The following C18orf63 variants were observed in gnomAD, a reference collection of about 807,000 sequenced individuals.
The protein encoded by C18orf63 is uncharacterized protein C18orf63.
Under a neutral mutation model 75.3 loss-of-function variants are expected in C18orf63, and 50 were observed. The observed-to-expected ratio is 0.66, with a 90% CI of 0.53 to 0.84. The LOEUF is 0.84. Ranked by LOEUF, C18orf63 falls within the 40% of genes least tolerant of loss-of-function variation. The pLI is 0.00. For missense variants in C18orf63, 732 were observed against 800.2 expected, an observed-to-expected ratio of 0.91 and a Z score of 1.03; for synonymous variants, 232 against 267.6, an observed-to-expected ratio of 0.87 and a Z score of 1.30.
At chr18:74,341,936 G>A (rs1000086806) in intron 8 of C18orf63, 96 bp from the exon 9 acceptor site, 1 of 638,624 alleles carries the variant, frequency 1.6e-6, no homozygotes, top group African/African-American at 1.8e-5. Context: ...TGAGATAGTT[G>A]TTGAATCTTT....
In C18orf63 at chr18:74,354,518, T is replaced by C. The variant is rs1984730405; in HGVS notation, c.*5T>C. ...CTCATCATTCATAATGCTTAGAACA[T>C]GGACCTGAAAGAAGGAAATGTCTAC... On this transcript the variant is annotated 3_prime_UTR_variant, in exon 13 of 14. Transcript: ENST00000579455. The C allele has an allele frequency of 7.0e-7, 1 of 1,424,428 alleles. No individual in the cohort carries two copies. Among genetic ancestry groups the C allele is most frequent in the Non-Finnish European group, 9.5e-7 (1 of 1,052,110 alleles). The allele number at this position is 1,424,428 out of a possible 1,614,324, so 88.2% of individuals were successfully genotyped here.
intron 4 of C18orf63, among the ~76,000 whole-genome samples, chr18:74,324,028 C>T (rs774195592): frequency 2.0e-4 from 31 of 152,332 alleles, no homozygotes; most frequent in South Asian, 4.1e-4. Context: ...GGCCACCCAC[C>T]ACCCTGAATT....
At chr18:74,335,182 A>G (rs1263531683) in intron 7 of C18orf63, among the ~76,000 whole-genome samples, 6 of 152,148 alleles carry the variant, frequency 3.9e-5, no homozygotes. Flanking sequence ...CACTTTAGTA[A>G]AGATTTATGG....
At chr18:74,341,261 A>C (rs1272210575) in intron 8 of C18orf63, among the ~76,000 whole-genome samples, 1 of 100,124 alleles carries the variant, frequency 1.0e-5, no homozygotes. Flanking sequence ...ACAGAGCGAG[A>C]CTCCGTCTCA....
rs1361472479 is a variant in C18orf63, at chr18:74,329,032, T to C, written c.420T>C (p.Ala140=). 6.7e-7 allele frequency: 1 copy of C among 1,501,174 alleles called. No homozygotes were observed. Among genetic ancestry groups the C allele is most frequent in the Non-Finnish European group, 9.0e-7 (1 of 1,115,382 alleles). 93.0% of individuals were successfully genotyped at this position (1,501,174 alleles called of 1,614,324 possible). A position where few individuals can be genotyped will look rare whatever the true frequency, so the allele number is the denominator to read the frequency against. The part of the protein sequence containing the change: ...DFLSQMGKQS[A]VVLNINVTET... ...TTTCTCAGATGGGAAAACAAAGTGC[T>C]GTTGGTAAGTAAAAATGCATAAGTC... is the stretch of plus-strand genomic sequence containing the variant. Residue 140 remains alanine, a synonymous_variant, in exon 6 of 14, where the codon GCT becomes GCC. Transcript: ENST00000579455.
intron 1 of C18orf63, among the ~76,000 whole-genome samples, chr18:74,316,426 C>T (rs1984025493): frequency 6.6e-6 from 1 of 152,202 alleles, no homozygotes; most frequent in Non-Finnish European, 1.5e-5. Flanking sequence ...CAGCGGCAAG[C>T]CGGGTCTGGG....
rs1202274533 is a variant in C18orf63 at position 74,358,814 on chromosome 18, C to T, written c.*2367C>T. 3 of 152,038 alleles carry T rather than the reference C, an allele frequency of 2.0e-5. No individual in the cohort carries two copies. The highest frequency in any genetic ancestry group is 7.2e-5 in the African/African-American group (3 of 41,404). The allele number at this position is 152,038 out of a possible 1,614,324, so 9.4% of individuals were successfully genotyped here. On this transcript the variant is annotated 3_prime_UTR_variant, in exon 14 of 14. Coordinates refer to ENST00000579455, the MANE Select transcript of C18orf63 (RefSeq NM_001174123.2). ...AATGCAAAAGTGCTTCTCATATACTCATATATTAGGTTTCACAGTATTGGT... is the reference window on the plus strand; with the variant it reads ...AATGCAAAAGTGCTTCTCATATACTTATATATTAGGTTTCACAGTATTGGT...
intron 11 of C18orf63, among the ~76,000 whole-genome samples, chr18:74,351,271 T>C (rs867823556): frequency 3.9e-5 from 6 of 152,214 alleles, no homozygotes; most frequent in Non-Finnish European, 7.3e-5. Flanking sequence ...TTAAGTATTA[T>C]GGAACTAAGT....
chr18:74,328,072 T>C lies in C18orf63; in HGVS notation c.382+14T>C. On this transcript the variant is annotated intron_variant, in intron 5 of 13. Transcript: ENST00000579455. ...TCTTGATACAAGGTAACTTTATCTT[T>C]TTAGTCATTGGGGCTTTCTGAACTA... 1.4e-6 allele frequency: 2 copies of C among 1,432,414 alleles called. No homozygotes were observed. Among genetic ancestry groups the C allele is most frequent in the African/African-American group, 2.8e-5 (2 of 71,090 alleles). 88.7% of individuals were successfully genotyped at this position (1,432,414 alleles called of 1,614,324 possible). A position where few individuals can be genotyped will look rare whatever the true frequency, so the allele number is the denominator to read the frequency against.
At chr18:74,329,508 A>G (rs1263740038) in intron 6 of C18orf63, among the ~76,000 whole-genome samples, 1 of 152,142 alleles carries the variant, frequency 6.6e-6, no homozygotes, top group Non-Finnish European at 1.5e-5. Flanking sequence ...TTCTTATTCA[A>G]AATGTACATT....
chr18:74,346,139 TA>T (rs1984571808), intron 11 of C18orf63, among the ~76,000 whole-genome samples: 1 of 152,148 alleles, frequency 6.6e-6, no homozygotes, highest in African/African-American at 2.4e-5. Flanking sequence ...TTCCTATACA[TA>T]AATTACTTCA....
chr18:74,320,534 A>T lies in C18orf63; in HGVS notation c.156A>T (p.Gln52His), dbSNP rs1984103104. The change falls in exon 3 of 14, where the codon CAA (glutamine) becomes CAT (histidine). Residue 52 changes from glutamine to histidine, a missense_variant. Gln to His is a conservative substitution (Grantham distance 24, BLOSUM62 0). Transcript: ENST00000579455. ...KMCRQLLFLH[Q>H]DILTSPVSGI... ...ACAGGCAATTGCTGTTTTTGCATCA[A>T]GATATTCTTACATCACCTGTGTCTG... The T allele has an allele frequency of 2.6e-6, 4 of 1,534,338 alleles. No homozygotes were observed. The highest frequency in any genetic ancestry group is 3.5e-6 in the Non-Finnish European group (4 of 1,145,856).
chr18:74,329,043 A>T lies in C18orf63; in HGVS notation c.424+7A>T. ...GGAAAACAAAGTGCTGTTGGTAAGTAAAAATGCATAAGTCAATAGATAAAA... is the reference window on the plus strand; with the variant it reads ...GGAAAACAAAGTGCTGTTGGTAAGTTAAAATGCATAAGTCAATAGATAAAA... On this transcript the variant is annotated splice_region_variant and intron_variant, in intron 6 of 13. Coordinates refer to ENST00000579455, the MANE Select transcript of C18orf63 (RefSeq NM_001174123.2). The T allele has an allele frequency of 6.8e-7, 1 of 1,470,784 alleles. No homozygotes were observed. The highest frequency in any genetic ancestry group is 9.2e-7 in the Non-Finnish European group (1 of 1,087,574). The allele number at this position is 1,470,784 out of a possible 1,614,324, so 91.1% of individuals were successfully genotyped here. A position where few individuals can be genotyped will look rare whatever the true frequency, so the allele number is the denominator to read the frequency against.
At position 74,354,163 on chromosome 18, in the gene C18orf63, A is replaced by G; in HGVS notation, c.1896A>G (p.Ile632Met). Residue 632 changes from isoleucine (I) to methionine (M), a missense_variant, in exon 12 of 14, where the codon ATA becomes ATG. This residue lies in a region of C18orf63 where 495 missense variants were observed against 508.7 expected (regional missense o/e 0.97). Transcript: ENST00000579455. ...TSDHRLIVSK[I>M]AHRSKRKLCP... The stretch of plus-strand genomic sequence containing the variant: ...ACCACAGGTTGATAGTAAGCAAAAT[A>G]GCCCACAGGTCTAAAAGAAAATTAT... 6.5e-7 allele frequency: 1 copy of G among 1,536,366 alleles called. No homozygotes were observed. The highest frequency in any genetic ancestry group is 8.7e-7 in the Non-Finnish European group (1 of 1,146,942).
intron 2 of C18orf63, among the ~76,000 whole-genome samples, chr18:74,318,517 G>A (rs567405731): frequency 4.6e-5 from 7 of 152,100 alleles, no homozygotes; most frequent in South Asian, 4.1e-4. Context: ...AGGGCCGGGC[G>A]TGGTGGCTCA....
At chr18:74,347,676 C>G (rs1984596253) in intron 11 of C18orf63, among the ~76,000 whole-genome samples, 1 of 152,122 alleles carries the variant, frequency 6.6e-6, no homozygotes, top group African/African-American at 2.4e-5. Context: ...TACATGTTAA[C>G]TCTAAGATTC....
intron 8 of C18orf63, among the ~76,000 whole-genome samples, 199 bp from the exon 9 acceptor site, chr18:74,341,826 AATAATAT>A (rs1464871024): frequency 6.6e-6 from 1 of 152,054 alleles, no homozygotes; most frequent in Non-Finnish European, 1.5e-5. Flanking sequence ...ATACATGATA[AATAATAT>A]ATACTATTTT....
At position 74,352,790 on chromosome 18, in the gene C18orf63, AT is replaced by A. The variant is rs1323353414; in HGVS notation, c.979-449del. On this transcript the variant is annotated intron_variant, in intron 11 of 13. Transcript: ENST00000579455. ...AAGATAAGAGAGCTTACCTTGTAAT[AT>A]TTTTTTGTGACAAATATTATTTAAT... Among the ~76,000 whole-genome samples, 13 of 152,274 alleles carry A rather than the reference AT, an allele frequency of 8.5e-5. No homozygotes were observed. The East Asian group carries it at 1.2e-3, about 14-fold the overall frequency.
chr18:74,343,717 G>A lies in C18orf63; in HGVS notation c.978+15G>A, dbSNP rs1039582005. On this transcript the variant is annotated intron_variant, in intron 11 of 13. Transcript: ENST00000579455. Reference sequence around the variant, plus strand: ...CTAATATACAGGTAAGAGATCTCTTGTCCTATCTAGTTCTCCAAGACATAC... The same window carrying A: ...CTAATATACAGGTAAGAGATCTCTTATCCTATCTAGTTCTCCAAGACATAC... The A allele has an allele frequency of 1.4e-6, 2 of 1,444,222 alleles. No individual in the cohort carries two copies. The highest frequency in any genetic ancestry group is 1.8e-6 in the Non-Finnish European group (2 of 1,091,438). 89.5% of individuals were successfully genotyped at this position (1,444,222 alleles called of 1,614,324 possible).
Sources: gnomAD v4.1 joint callset for allele counts (sites outside exome capture counted in the v4.1 genomes callset) on GRCh38, gnomAD v4.1.1 for gene constraint, gnomAD v4.1.1 regional missense constraint, MANE v1.5 for transcripts, NCBI Gene and HGNC (gene_info 2026-07-23, HGNC 2026-07-21) for gene names.